The following YY1 variants were observed in gnomAD, a reference collection of about 807,000 sequenced individuals.
YY1 encodes transcriptional repressor protein YY1.
In YY1, 2 loss-of-function variants were observed where a neutral mutation model predicts 35.6. The ratio of observed to expected loss-of-function variants is 0.06; its 90% CI spans 0.02 to 0.18. YY1 has a LOEUF of 0.18. YY1 is among the 10% of genes least tolerant of loss of function. The pLI is 1.00. For missense variants in YY1, 322 were observed against 573.4 expected (o/e 0.56, Z 4.48); for synonymous variants, 268 against 238.9 (o/e 1.12, Z -1.12).
intron 1 of YY1, among the ~76,000 whole-genome samples, chr14:100,244,310 T>C (rs1370023392): frequency 2.1e-5 from 3 of 141,892 alleles, no homozygotes; most frequent in Admixed American, 8.0e-5. Context: ...GCTTTTTTTT[T>C]CCTTTTTTAC....
intron 1 of YY1, among the ~76,000 whole-genome samples, chr14:100,255,438 G>A (rs1890990778): frequency 6.6e-6 from 1 of 152,020 alleles, no homozygotes; most frequent in Non-Finnish European, 1.5e-5. Flanking sequence ...GGCCAACATG[G>A]TGAAACCCCA....
chr14:100,280,686 G>T lies in YY1; in HGVS notation c.*3086G>T, dbSNP rs1891405348. The T allele has an allele frequency of 1.3e-5, 2 of 152,020 alleles. No homozygotes were observed. The highest frequency in any genetic ancestry group is 1.3e-4 in the Admixed American group (2 of 15,238). The allele number at this position is 152,020 out of a possible 1,614,324, so 9.4% of individuals were successfully genotyped here. ...CTAAATAAGACCCTTTCACAGGATA[G>T]TGTGCGCAATACCTGTCCGTGTTTC... On this transcript the variant is annotated 3_prime_UTR_variant, in exon 5 of 5. Coordinates refer to ENST00000262238, the MANE Select transcript of YY1 (RefSeq NM_003403.5).
At chr14:100,240,216 G>A (rs1432540141) in intron 1 of YY1, among the ~76,000 whole-genome samples, 1 of 144,742 alleles carries the variant, frequency 6.9e-6, no homozygotes, top group Non-Finnish European at 1.5e-5. Context: ...GGGAGGGGCC[G>A]GCGCGCTCGC....
At chr14:100,248,101 C>A (rs559750843) in intron 1 of YY1, among the ~76,000 whole-genome samples, 1 of 143,490 alleles carries the variant, frequency 7.0e-6, no homozygotes, top group Non-Finnish European at 1.5e-5. Context: ...TGCACCACCA[C>A]GCCCGGCTAA....
chr14:100,250,857 A>C (rs1012556549), intron 1 of YY1, among the ~76,000 whole-genome samples: 7 of 149,868 alleles, frequency 4.7e-5, no homozygotes, highest in African/African-American at 1.5e-4. Context: ...AAAAAAAAAA[A>C]GGCCAGGCAT....
chr14:100,245,069 T>C (rs1004969274), intron 1 of YY1, among the ~76,000 whole-genome samples: 2 of 152,122 alleles, frequency 1.3e-5, no homozygotes, highest in African/African-American at 4.8e-5. Context: ...CCAGAGTAGC[T>C]GGAACTACAG....
At chr14:100,262,615 G>T (rs998968218) in intron 2 of YY1, 149 bp downstream of exon 2, 3 of 942,208 alleles carry the variant, frequency 3.2e-6, no homozygotes, top group Non-Finnish European at 4.8e-6. Flanking sequence ...TTATTTGTTT[G>T]TTTTTTGTTT....
chr14:100,239,460 C>A lies in YY1; in HGVS notation c.216C>A (p.His72Gln). The A allele has an allele frequency of 6.2e-7, 1 of 1,600,996 alleles. No individual in the cohort carries two copies. The highest frequency in any genetic ancestry group is 8.5e-7 in the Non-Finnish European group (1 of 1,175,806). Residue 72 changes from histidine (H) to glutamine (Q), a missense_variant, in exon 1 of 5, where the codon CAC becomes CAA. Physicochemically the swap from His to Gln is conservative, Grantham distance 24. This residue lies in a region of YY1 where 137 missense variants were observed against 167.0 expected (regional missense o/e 0.82). Coordinates refer to ENST00000262238, the MANE Select transcript of YY1 (RefSeq NM_003403.5). ...GCCACGGGCACGCCGGCCACCACCACCACCACCATCACCACCACCACCACC... is the reference window on the plus strand; with the variant it reads ...GCCACGGGCACGCCGGCCACCACCAACACCACCATCACCACCACCACCACC... Reference protein sequence around the residue: ...GGGHGHAGHHHHHHHHHHHPP... With the variant: ...GGGHGHAGHHQHHHHHHHHPP...
At chr14:100,263,596 G>A (rs1033612130) in intron 2 of YY1, among the ~76,000 whole-genome samples, 2 of 152,220 alleles carry the variant, frequency 1.3e-5, no homozygotes, top group African/African-American at 4.8e-5. Context: ...GGAGCAGAAA[G>A]CCTAATGCCT....
chr14:100,247,589 C>A (rs551486503), intron 1 of YY1, among the ~76,000 whole-genome samples: 1 of 152,120 alleles, frequency 6.6e-6, no homozygotes, highest in Non-Finnish European at 1.5e-5. Flanking sequence ...GACTTGGATG[C>A]AGAAGATAAC....
intron 2 of YY1, among the ~76,000 whole-genome samples, chr14:100,269,382 T>C (rs958846840): frequency 1.3e-5 from 2 of 152,160 alleles, no homozygotes; most frequent in Non-Finnish European, 2.9e-5. Flanking sequence ...AGAAGTCACC[T>C]CCAAGTCACA....
At chr14:100,242,747 C>G (rs1890770358) in intron 1 of YY1, among the ~76,000 whole-genome samples, 1 of 151,006 alleles carries the variant, frequency 6.6e-6, no homozygotes, top group African/African-American at 2.4e-5. Flanking sequence ...TTCTTTTCTT[C>G]TCTTTTCTTT....
Position 100,264,685 on chromosome 14 carries a change from T to A in YY1, c.842+2219T>A, listed in dbSNP as rs1891128906. ...GAGTAGAGCGTTAACTTGGGAGAAG[T>A]CCTTTGCAGCTGTCTGTGCAGGCTA... On this transcript the variant is annotated intron_variant, in intron 2 of 4. Transcript: ENST00000262238. Among the ~76,000 whole-genome samples the A allele has an allele frequency of 2.0e-5, 3 of 152,174 alleles. No homozygotes were observed. In the South Asian group the frequency reaches 6.2e-4, roughly 32 times the overall value.
chr14:100,248,402 A>G (rs917299868), intron 1 of YY1, among the ~76,000 whole-genome samples: 7 of 151,882 alleles, frequency 4.6e-5, no homozygotes, highest in Admixed American at 6.6e-5. Context: ...GATTATAGGC[A>G]TGAGCTACTG....
At chr14:100,245,696 T>G (rs1475177131) in intron 1 of YY1, among the ~76,000 whole-genome samples, 1 of 151,930 alleles carries the variant, frequency 6.6e-6, no homozygotes, top group Admixed American at 6.6e-5. Context: ...AAGCTCCACC[T>G]CCCGGGTTCA....
At chr14:100,272,733 T>C (rs1382788318) in intron 2 of YY1, among the ~76,000 whole-genome samples, 6 of 152,036 alleles carry the variant, frequency 3.9e-5, no homozygotes, top group Non-Finnish European at 8.8e-5. Context: ...TATTGATGAA[T>C]TCTGAGGTCC....
At chr14:100,239,948 C>G (rs1225136516) in intron 1 of YY1, 25 bp downstream of exon 1, 2 of 1,511,254 alleles carry the variant, frequency 1.3e-6, no homozygotes, top group African/African-American at 2.9e-5. Context: ...CGCGCCCCGG[C>G]CCCGGGATGT....
At chr14:100,267,436 T>C (rs1281359147) in intron 2 of YY1, among the ~76,000 whole-genome samples, 1 of 152,200 alleles carries the variant, frequency 6.6e-6, no homozygotes, top group Non-Finnish European at 1.5e-5. Flanking sequence ...GAAATCTTGC[T>C]CGCCTTGACA....
chr14:100,247,421 A>C (rs1890850246), intron 1 of YY1, among the ~76,000 whole-genome samples: 1 of 142,036 alleles, frequency 7.0e-6, no homozygotes. Context: ...TCACTTTGTC[A>C]CCCAGTCGGG....
Sources: allele counts gnomAD v4.1 joint callset (sites outside exome capture counted in the v4.1 genomes callset), GRCh38; gene constraint gnomAD v4.1.1; regional missense constraint gnomAD v4.1.1; transcripts MANE v1.5; gene names NCBI Gene and HGNC (gene_info 2026-07-23, HGNC 2026-07-21).